Variants in MYO16 observed in about 807,000 individuals in gnomAD.
MYO16 encodes the protein unconventional myosin-XVI.
A neutral mutation model predicts 205.3 loss-of-function variants in MYO16; 94 were observed. That is an observed-to-expected ratio of 0.46 (90% confidence interval 0.39 to 0.54). MYO16 has a LOEUF of 0.54. Among genes scored for constraint, MYO16 ranks in the 20% least tolerant of loss-of-function variants. The pLI is 0.00. For synonymous variants in MYO16, 988 were observed against 954.0 expected (o/e 1.04, Z -0.66); for missense variants, 2,315 against 2,387.5 (o/e 0.97, Z 0.63).
At chr13:108,984,124 T>C (rs2139420973) in intron 20 of MYO16, among the ~76,000 whole-genome samples, 1 of 152,328 alleles carries the variant, frequency 6.6e-6, no homozygotes, top group South Asian at 2.1e-4. Context: ...GGATTCTCAC[T>C]ACTTTCTGCC....
At chr13:108,957,604 A>G (rs1883420614) in intron 16 of MYO16, 84 bp from the exon 17 acceptor site, 1 of 900,548 alleles carries the variant, frequency 1.1e-6, no homozygotes, top group South Asian at 1.5e-5. Context: ...CATTTTAGAG[A>G]TCAAATACGG....
intron 18 of MYO16, 113 bp downstream of exon 18, chr13:108,961,769 A>G (rs1210363187): frequency 1.0e-5 from 8 of 777,152 alleles, no homozygotes; most frequent in Non-Finnish European, 1.5e-5. Context: ...CCTTTCCTCT[A>G]TAGTAGAATT....
Position 108,992,372 on chromosome 13 carries a change from T to G in MYO16, c.2370-4T>G. On this transcript the variant is annotated splice_polypyrimidine_tract_variant and splice_region_variant and intron_variant, in intron 20 of 34. Coordinates refer to ENST00000457511, the MANE Select transcript of MYO16 (RefSeq NM_001198950.3). ...ATTTATCCTGGTGTATTGTTTTGTT[T>G]CAGCATGCAGACATTGGATATTGGA... 6.2e-7 allele frequency: 1 copy of G among 1,605,390 alleles called. No individual in the cohort carries two copies. The highest frequency in any genetic ancestry group is 1.3e-5 in the African/African-American group (1 of 74,668).
chr13:108,771,822 T>C lies in MYO16; in HGVS notation c.508-13813T>C, dbSNP rs148037141. Among the ~76,000 whole-genome samples, 3 of 152,352 alleles carry C rather than the reference T, an allele frequency of 2.0e-5. No homozygotes were observed. In the South Asian group the frequency reaches 6.2e-4, roughly 32 times the overall value. The stretch of plus-strand genomic sequence containing the variant: ...AGGTTTCTCCATGTCTTTTCATGGC[T>C]TCATAGCTCATTTTTGTATAACTGT... On this transcript the variant is annotated intron_variant, in intron 4 of 34. Transcript: ENST00000457511.
chr13:109,159,645 A>G (rs1878270778), intron 32 of MYO16, among the ~76,000 whole-genome samples: 1 of 152,220 alleles, frequency 6.6e-6, no homozygotes, highest in Non-Finnish European at 1.5e-5. Context: ...ATGCAGTGAG[A>G]AGGACTGTGT....
At chr13:108,663,294 T>A (rs1457436496) in intron 1 of MYO16, among the ~76,000 whole-genome samples, 1 of 147,734 alleles carries the variant, frequency 6.8e-6, no homozygotes, top group East Asian at 2.0e-4. Flanking sequence ...CCCTGTGTTA[T>A]CTTATAGATT....
At chr13:108,783,136 C>G (rs1167280085) in intron 4 of MYO16, among the ~76,000 whole-genome samples, 1 of 152,142 alleles carries the variant, frequency 6.6e-6, no homozygotes. Flanking sequence ...ACACTCAACA[C>G]TAGCTCGTGA....
intron 29 of MYO16, among the ~76,000 whole-genome samples, chr13:109,122,147 C>A (rs1018656555): frequency 1.3e-5 from 2 of 152,222 alleles, no homozygotes; most frequent in Non-Finnish European, 2.9e-5. Context: ...GCTTTATCTG[C>A]AGCCTTAGCT....
chr13:108,787,722 TGTCACA>T (rs1348206652), intron 5 of MYO16, among the ~76,000 whole-genome samples: 1 of 152,238 alleles, frequency 6.6e-6, no homozygotes, highest in Admixed American at 6.5e-5. Flanking sequence ...CTACTATGGC[TGTCACA>T]GTCAGCTTGT....
chr13:108,730,456 G>T (rs1238598936), intron 4 of MYO16, among the ~76,000 whole-genome samples: 1 of 152,152 alleles, frequency 6.6e-6, no homozygotes, highest in Non-Finnish European at 1.5e-5. Flanking sequence ...AACATTTATA[G>T]TCTAGAGGTA....
At chr13:108,862,176 T>C (rs1878478600) in intron 11 of MYO16, among the ~76,000 whole-genome samples, 1 of 152,126 alleles carries the variant, frequency 6.6e-6, no homozygotes, top group South Asian at 2.1e-4. Context: ...AAGTCTGAAA[T>C]GCCAAACATC....
intron 29 of MYO16, among the ~76,000 whole-genome samples, chr13:109,121,723 C>T (rs1875999447): frequency 6.6e-6 from 1 of 152,208 alleles, no homozygotes. Flanking sequence ...TCACAGTGCA[C>T]AGTGGCCCCA....
intron 1 of MYO16, among the ~76,000 whole-genome samples, chr13:108,650,041 T>C (rs1203703841): frequency 1.3e-5 from 2 of 152,186 alleles, no homozygotes; most frequent in South Asian, 2.1e-4. Flanking sequence ...CAAAATTTAA[T>C]ATTAAATGTG....
At chr13:109,066,083 A>C (rs548370452) in intron 27 of MYO16, among the ~76,000 whole-genome samples, 3 of 152,148 alleles carry the variant, frequency 2.0e-5, no homozygotes, top group Non-Finnish European at 2.9e-5. Flanking sequence ...GAAAAGCCTC[A>C]CTATGAAAGG....
intron 16 of MYO16, among the ~76,000 whole-genome samples, chr13:108,919,815 T>A (rs1881662206): frequency 6.6e-6 from 1 of 152,224 alleles, no homozygotes; most frequent in Non-Finnish European, 1.5e-5. Context: ...AAACCAAACA[T>A]TCACGTATGA....
chr13:109,175,348 G>T (rs554758568), intron 33 of MYO16, among the ~76,000 whole-genome samples: 3 of 152,122 alleles, frequency 2.0e-5, no homozygotes, highest in Non-Finnish European at 4.4e-5. Flanking sequence ...TTCGACTTTT[G>T]CCCACCCAAG....
chr13:109,022,597 T>C lies in MYO16; in HGVS notation c.2796+2686T>C, dbSNP rs1199930664. ...TAAACATATGTATATATTTCTATAT[T>C]CTATATACGCATATAAACATATGTA... On this transcript the variant is annotated intron_variant, in intron 23 of 34. Transcript: ENST00000457511. Among the ~76,000 whole-genome samples the C allele has an allele frequency of 2.2e-4, 29 of 133,010 alleles. 1 individual carries two copies. Among genetic ancestry groups the C allele is most frequent in the African/African-American group, 8.4e-4 (29 of 34,636 alleles). 87.3% of individuals were successfully genotyped at this position (133,010 alleles called of 152,430 possible). A position where few individuals can be genotyped will look rare whatever the true frequency, so the allele number is the denominator to read the frequency against.
intron 9 of MYO16, among the ~76,000 whole-genome samples, chr13:108,841,961 G>C (rs1408565157): frequency 2.0e-5 from 3 of 152,092 alleles, no homozygotes; most frequent in Non-Finnish European, 4.4e-5. Flanking sequence ...GGACTGCCAA[G>C]ACCCAATAGG....
At chr13:109,152,767 G>A (rs182806394) in intron 32 of MYO16, among the ~76,000 whole-genome samples, 137 of 152,200 alleles carry the variant, frequency 9.0e-4, no homozygotes, top group Non-Finnish European at 4.0e-4. Context: ...TTCTTCCTAG[G>A]CTACAAAATA....
Sources: allele counts gnomAD v4.1 joint callset (sites outside exome capture counted in the v4.1 genomes callset), GRCh38; gene constraint gnomAD v4.1.1; transcripts MANE v1.5; gene names NCBI Gene and HGNC (gene_info 2026-07-23, HGNC 2026-07-21).